The following ATP2C2 variants were observed in gnomAD, a reference collection of about 807,000 sequenced individuals.
ATP2C2 encodes calcium-transporting ATPase type 2C member 2.
A neutral mutation model predicts 110.8 loss-of-function variants in ATP2C2; 171 were observed. That is an observed-to-expected ratio of 1.54 (90% CI 1.36 to 1.75). The LOEUF is 1.75. ATP2C2 is among the 40% of genes most tolerant of loss of function. ATP2C2 has a pLI of 0.00. For missense variants in ATP2C2, 1,963 were observed against 1,235.0 expected (o/e 1.59, Z -8.84); for synonymous variants, 804 against 508.4 (o/e 1.58, Z -7.82).
In ATP2C2 at chr16:84,454,981, T is replaced by G. The variant is rs1437386384; in HGVS notation, c.2144T>G (p.Ile715Ser). 6.2e-7 allele frequency: 1 copy of G among 1,612,384 alleles called. No homozygotes were observed. The stretch of plus-strand genomic sequence containing the variant: ...CTGGTGGATGATGACTTCTCAGCCA[T>G]CATGTAAGCTGCCCTTCTGGTTGTT... ...MILVDDDFSA[I>S]MNAVEEGKGI... The change falls in exon 21 of 27, where the codon ATC becomes AGC. Residue 715 changes from isoleucine to serine, a missense_variant. Coordinates refer to ENST00000262429, the MANE Select transcript of ATP2C2 (RefSeq NM_014861.4).
At chr16:84,370,675 C>CTTTTT (rs112540313) in intron 1 of ATP2C2, among the ~76,000 whole-genome samples, 3,285 of 143,704 alleles carry the variant, frequency 0.023, 69 homozygotes, top group Middle Eastern at 0.051. Flanking sequence ...TTGGAATTGT[C>CTTTTT]TTTTTTTTTT....
At chr16:84,452,188 G>A in intron 18 of ATP2C2, 97 bp downstream of exon 18, 2 of 1,476,998 alleles carry the variant, frequency 1.4e-6, no homozygotes, top group South Asian at 1.2e-5. Flanking sequence ...AACTCGGTCA[G>A]GAGTGCTCAC....
In ATP2C2 at chr16:84,379,746, C is replaced by G. The variant is rs140487807; in HGVS notation, c.99+11032C>G. Among the ~76,000 whole-genome samples, 15 of 152,236 alleles carry G rather than the reference C, an allele frequency of 9.9e-5. No individual in the cohort carries two copies. In the East Asian group the frequency reaches 2.9e-3, roughly 29 times the overall value. On this transcript the variant is annotated intron_variant, in intron 1 of 26. Coordinates refer to ENST00000262429, the MANE Select transcript of ATP2C2 (RefSeq NM_014861.4). ...CAGGCCCTCTTGCAGATACTAGAGA[C>G]AAAAGAGTGAGCAAAGCGCTGATCC... is the stretch of plus-strand genomic sequence containing the variant.
intron 1 of ATP2C2, among the ~76,000 whole-genome samples, chr16:84,388,015 T>A (rs1904419228): frequency 1.3e-5 from 2 of 151,600 alleles, no homozygotes; most frequent in South Asian, 2.1e-4. Flanking sequence ...CCACAGCAGG[T>A]GTGTTTTTGT....
chr16:84,440,424 G>C (rs1207909782), intron 13 of ATP2C2, among the ~76,000 whole-genome samples: 1 of 152,200 alleles, frequency 6.6e-6, no homozygotes, highest in Non-Finnish European at 1.5e-5. Flanking sequence ...AAGTTTCCTT[G>C]GTGTACCACC....
chr16:84,411,839 C>G (rs1463681957), intron 6 of ATP2C2, among the ~76,000 whole-genome samples: 2 of 152,202 alleles, frequency 1.3e-5, no homozygotes, highest in East Asian at 3.8e-4. Flanking sequence ...CTTAGAACAT[C>G]TGCGGGGGCC....
intron 11 of ATP2C2, chr16:84,426,063 A>C (rs1234581345): frequency 2.3e-6 from 1 of 443,082 alleles, no homozygotes; most frequent in Non-Finnish European, 4.1e-6. Context: ...AAAAAAAAAA[A>C]AATACCTGAG....
In ATP2C2 at chr16:84,422,500, C is replaced by T. The variant is rs760574352; in HGVS notation, c.735C>T (p.Ile245=). 7.4e-6 allele frequency: 12 copies of T among 1,613,998 alleles called. No homozygotes were observed. The highest frequency in any genetic ancestry group is 3.3e-5 in the South Asian group (3 of 91,068). Residue 245 remains isoleucine, a synonymous_variant, in exon 8 of 27, where the codon ATC becomes ATT. Coordinates refer to ENST00000262429, the MANE Select transcript of ATP2C2 (RefSeq NM_014861.4). ...GGGACCTCACCACCCTCAGCAACATCGTCTTCATGGGGACCCTGGTGCAGT... is the reference window on the plus strand; with the variant it reads ...GGGACCTCACCACCCTCAGCAACATTGTCTTCATGGGGACCCTGGTGCAGT... ...GGGDLTTLSN[I]VFMGTLVQYG... is the part of the protein sequence containing the mutation.
chr16:84,368,733 G>A lies in ATP2C2; in HGVS notation c.99+19G>A. ...AGCCTTGGTGAGTCCCCGCGACTCC[G>A]CGCCGGGCGTGCGACCCGACCCCCC... is the stretch of plus-strand genomic sequence containing the variant. On this transcript the variant is annotated intron_variant, in intron 1 of 26. Transcript: ENST00000262429. 1 of 1,498,986 alleles carries A rather than the reference G, an allele frequency of 6.7e-7. No homozygotes were observed. The highest frequency in any genetic ancestry group is 8.9e-7 in the Non-Finnish European group (1 of 1,122,866). The allele number at this position is 1,498,986 out of a possible 1,614,324, so 92.9% of individuals were successfully genotyped here.
chr16:84,379,541 C>T (rs753711834), intron 1 of ATP2C2, among the ~76,000 whole-genome samples: 29 of 152,180 alleles, frequency 1.9e-4, no homozygotes, highest in Non-Finnish European at 3.5e-4. Context: ...GGGAGCTTGC[C>T]AGAAATGCAG....
intron 21 of ATP2C2, among the ~76,000 whole-genome samples, chr16:84,458,495 TAAAAA>T (rs10534660): frequency 7.0e-6 from 1 of 141,920 alleles, no homozygotes; most frequent in Non-Finnish European, 1.5e-5. Context: ...TAGAGTATAA[TAAAAA>T]AAAAAAAATT....
Position 84,410,696 on chromosome 16 carries a change from C to A in ATP2C2, c.454-8C>A. The stretch of plus-strand genomic sequence containing the variant: ...TTTAAACAGCACATCTGATGTGCTT[C>A]CTGCCAGGAGTACAGGTCGGAGAAA... On this transcript the variant is annotated splice_region_variant and splice_polypyrimidine_tract_variant and intron_variant, in intron 5 of 26. Coordinates refer to ENST00000262429, the MANE Select transcript of ATP2C2 (RefSeq NM_014861.4). The A allele has an allele frequency of 6.2e-7, 1 of 1,614,078 alleles. No individual in the cohort carries two copies. Among genetic ancestry groups the A allele is most frequent in the Non-Finnish European group, 8.5e-7 (1 of 1,179,948 alleles).
chr16:84,377,093 C>G (rs747964750), intron 1 of ATP2C2, among the ~76,000 whole-genome samples: 2 of 152,094 alleles, frequency 1.3e-5, no homozygotes, highest in African/African-American at 4.8e-5. Flanking sequence ...AAGTCGTGTG[C>G]TAAGACTGAG....
At position 84,376,747 on chromosome 16, in the gene ATP2C2, G is replaced by T. The variant is rs190710327; in HGVS notation, c.99+8033G>T. 5.8e-4 allele frequency among the ~76,000 whole-genome samples: 88 copies of T among 152,262 alleles called. 1 individual carries two copies. In the East Asian group the frequency reaches 0.013, roughly 23 times the overall value. On this transcript the variant is annotated intron_variant, in intron 1 of 26. Coordinates refer to ENST00000262429, the MANE Select transcript of ATP2C2 (RefSeq NM_014861.4). Reference sequence around the variant, plus strand: ...AAGCCCCGGGCACACATCATCCCATGGGGCTAAATTTCCACATACACATTC... The same window carrying T: ...AAGCCCCGGGCACACATCATCCCATTGGGCTAAATTTCCACATACACATTC...
intron 16 of ATP2C2, among the ~76,000 whole-genome samples, chr16:84,446,772 C>G (rs1415512590): frequency 2.0e-5 from 3 of 152,202 alleles, no homozygotes; most frequent in South Asian, 2.1e-4. Context: ...TCTGCAGATT[C>G]TGATGCAGGT....
intron 3 of ATP2C2, among the ~76,000 whole-genome samples, chr16:84,405,546 AGGAAGG>A (rs1905691241): frequency 6.6e-6 from 1 of 152,192 alleles, no homozygotes; most frequent in Non-Finnish European, 1.5e-5. Context: ...TTTGCACATG[AGGAAGG>A]AGAAGTGCAG....
At chr16:84,373,880 A>C (rs1910105535) in intron 1 of ATP2C2, among the ~76,000 whole-genome samples, 1 of 152,204 alleles carries the variant, frequency 6.6e-6, no homozygotes, top group South Asian at 2.1e-4. Flanking sequence ...TGATGCTAAG[A>C]ATGTCTGCTA....
At chr16:84,407,811 G>A (rs7196905) in intron 3 of ATP2C2, among the ~76,000 whole-genome samples, 2 of 152,054 alleles carry the variant, frequency 1.3e-5, no homozygotes, top group Non-Finnish European at 2.9e-5. Flanking sequence ...CTGATCTTTG[G>A]TCTGCCTTCT....
rs1907532842 is a variant in ATP2C2 at position 84,423,404 on chromosome 16, G to A, written c.919+141G>A. On this transcript the variant is annotated intron_variant, in intron 10 of 26. Transcript: ENST00000262429. ...GATTGGGATCAGAGGCTCTCCACAA[G>A]CAACAAGAGCTTTCTGTATAGTTGG... 4.1e-6 allele frequency: 3 copies of A among 732,446 alleles called. No homozygotes were observed. In the East Asian group the frequency reaches 8.1e-5, roughly 20 times the overall value. The allele number at this position is 732,446 out of a possible 1,614,324, so 45.4% of individuals were successfully genotyped here. A position where few individuals can be genotyped will look rare whatever the true frequency, so the allele number is the denominator to read the frequency against.
Sources: allele counts gnomAD v4.1 joint callset (sites outside exome capture counted in the v4.1 genomes callset), GRCh38; gene constraint gnomAD v4.1.1; transcripts MANE v1.5; gene names NCBI Gene and HGNC (gene_info 2026-07-23, HGNC 2026-07-21).